SEMA6D: variants seen among roughly 807,000 people sequenced by gnomAD.
SEMA6D encodes the protein semaphorin-6D.
In SEMA6D, 35 loss-of-function variants were observed where a neutral mutation model predicts 106.6. That is an observed-to-expected ratio of 0.33 (90% confidence interval 0.25 to 0.44). SEMA6D has a LOEUF of 0.44. Among genes scored for constraint, SEMA6D ranks in the 20% least tolerant of loss-of-function variants. The pLI, the probability that SEMA6D is intolerant of heterozygous loss-of-function variation, is 1.00. For synonymous variants in SEMA6D, 499 were observed against 487.7 expected (o/e 1.02, Z -0.31); for missense variants, 1,185 against 1,345.9 (o/e 0.88, Z 1.87).
chr15:47,474,711 C>G (rs2042954552), intron 3 of SEMA6D, among the ~76,000 whole-genome samples: 1 of 152,146 alleles, frequency 6.6e-6, no homozygotes, highest in South Asian at 2.1e-4. Context: ...AATATTGAGG[C>G]AAAAACAGTG....
intron 4 of SEMA6D, among the ~76,000 whole-genome samples, chr15:47,667,669 G>A (rs750376469): frequency 6.6e-5 from 10 of 152,120 alleles, no homozygotes; most frequent in Admixed American, 2.0e-4. Context: ...GCTGATAGAC[G>A]ACCATCTTCT....
intron 1 of SEMA6D, among the ~76,000 whole-genome samples, chr15:47,195,552 A>T (rs747120899): frequency 1.3e-4 from 20 of 152,084 alleles, no homozygotes; most frequent in Non-Finnish European, 2.5e-4. Flanking sequence ...ATTTGTGGTT[A>T]TAATTGTGTA....
intron 1 of SEMA6D, among the ~76,000 whole-genome samples, chr15:47,401,766 A>G (rs2146000876): frequency 6.6e-6 from 1 of 152,252 alleles, no homozygotes; most frequent in East Asian, 1.9e-4. Flanking sequence ...GTCCTATAAA[A>G]ATTGCATCAA....
At position 47,692,013 on chromosome 15, in the gene SEMA6D, G is replaced by A. The variant is rs116449117; in HGVS notation, c.-54-67732G>A. On this transcript the variant is annotated intron_variant, in intron 4 of 19. Transcript: ENST00000558014. ...AAACTGCTCTATGCAAAGAGCAAGAGGAAAAGCATTTCTAGCAAGAATAGT... is the reference window on the plus strand; with the variant it reads ...AAACTGCTCTATGCAAAGAGCAAGAAGAAAAGCATTTCTAGCAAGAATAGT... Among the ~76,000 whole-genome samples, 609 of 152,280 alleles carry A rather than the reference G, an allele frequency of 4.0e-3. 1 individual carries two copies. Among genetic ancestry groups the A allele is most frequent in the African/African-American group, 0.014 (591 of 41,566 alleles).
intron 4 of SEMA6D, among the ~76,000 whole-genome samples, chr15:47,696,758 T>A (rs752345268): frequency 6.6e-6 from 1 of 152,202 alleles, no homozygotes; most frequent in African/African-American, 2.4e-5. Flanking sequence ...AGCTGAGCAT[T>A]TGGAATTCTG....
chr15:47,374,820 A>G (rs554515157), intron 1 of SEMA6D, among the ~76,000 whole-genome samples: 30 of 152,282 alleles, frequency 2.0e-4, no homozygotes, highest in East Asian at 1.9e-4. Context: ...AGAAACATCT[A>G]TTAGATCTGG....
chr15:47,595,535 T>TAA (rs1272152385), intron 3 of SEMA6D, among the ~76,000 whole-genome samples: 1 of 152,154 alleles, frequency 6.6e-6, no homozygotes, highest in African/African-American at 2.4e-5. Flanking sequence ...TATTGGTCTG[T>TAA]AATAATTTTC....
At chr15:47,364,143 C>T (rs901135768) in intron 1 of SEMA6D, among the ~76,000 whole-genome samples, 1 of 152,208 alleles carries the variant, frequency 6.6e-6, no homozygotes, top group African/African-American at 2.4e-5. Flanking sequence ...GAGTCAGGTT[C>T]AGCTGAGCCA....
chr15:47,513,959 C>G (rs1230113972), intron 3 of SEMA6D, among the ~76,000 whole-genome samples: 1 of 152,194 alleles, frequency 6.6e-6, no homozygotes, highest in East Asian at 1.9e-4. Flanking sequence ...TGACCATTCG[C>G]AGGATAATCC....
At chr15:47,760,709 C>T (rs191094581) in intron 3 of SEMA6D, among the ~76,000 whole-genome samples, 29 of 152,054 alleles carry the variant, frequency 1.9e-4, no homozygotes, top group African/African-American at 7.0e-4. Flanking sequence ...TAGAATTATT[C>T]AAGCAAATAT....
chr15:47,351,608 G>A (rs1227905057), intron 1 of SEMA6D, among the ~76,000 whole-genome samples: 1 of 152,136 alleles, frequency 6.6e-6, no homozygotes, highest in Non-Finnish European at 1.5e-5. Flanking sequence ...AAATAGGCTA[G>A]ACTGTCCCTC....
chr15:47,492,614 A>G lies in SEMA6D; in HGVS notation c.-87+22069A>G, dbSNP rs561389166. On this transcript the variant is annotated intron_variant, in intron 3 of 19. Coordinates refer to the SEMA6D transcript ENST00000558014. Reference sequence around the variant, plus strand: ...ATGGCTTTGTTTCTTTTAAGCATTTAGAACACTCTGGAAATACCTTAAGTG... The same window carrying G: ...ATGGCTTTGTTTCTTTTAAGCATTTGGAACACTCTGGAAATACCTTAAGTG... Among the ~76,000 whole-genome samples the G allele has an allele frequency of 3.9e-5, 6 of 152,314 alleles. No homozygotes were observed. In the East Asian group the frequency reaches 1.2e-3, roughly 29 times the overall value.
intron 3 of SEMA6D, among the ~76,000 whole-genome samples, chr15:47,507,348 C>T (rs558568464): frequency 2.3e-5 from 3 of 129,772 alleles, no homozygotes; most frequent in Non-Finnish European, 4.9e-5. Context: ...CACCCCCCCC[C>T]ACCCCCCCGG....
intron 1 of SEMA6D, among the ~76,000 whole-genome samples, chr15:47,260,254 G>A (rs1341788934): frequency 6.6e-6 from 1 of 151,846 alleles, no homozygotes; most frequent in Admixed American, 6.6e-5. Flanking sequence ...CTTGGTATGG[G>A]GTAATTTTCT....
At chr15:47,596,198 A>G (rs2076532763) in intron 3 of SEMA6D, among the ~76,000 whole-genome samples, 1 of 152,088 alleles carries the variant, frequency 6.6e-6, no homozygotes, top group Admixed American at 6.5e-5. Flanking sequence ...ATAGCTACAA[A>G]AACTAAAATA....
chr15:47,747,138 A>G (rs2081189278), intron 1 of SEMA6D, among the ~76,000 whole-genome samples: 3 of 152,084 alleles, frequency 2.0e-5, no homozygotes, highest in South Asian at 4.1e-4. Flanking sequence ...TCATATTCTC[A>G]TTAGTTTCTT....
intron 1 of SEMA6D, among the ~76,000 whole-genome samples, chr15:47,314,858 T>C (rs868237369): frequency 0.01 from 85 of 8,302 alleles, no homozygotes; most frequent in African/African-American, 0.014. Flanking sequence ...TCTTTTTTTT[T>C]TTTTTTTTTT....
At chr15:47,558,422 A>G (rs1042281230) in intron 3 of SEMA6D, among the ~76,000 whole-genome samples, 1 of 152,078 alleles carries the variant, frequency 6.6e-6, no homozygotes, top group Non-Finnish European at 1.5e-5. Flanking sequence ...AGAAAGTGCC[A>G]AATAACCACA....
intron 4 of SEMA6D, among the ~76,000 whole-genome samples, chr15:47,631,032 T>C (rs776483228): frequency 7.2e-5 from 11 of 151,958 alleles, no homozygotes; most frequent in East Asian, 5.8e-4. Flanking sequence ...TCAGAGTCCA[T>C]GAGAGATACT....
Sources: allele counts gnomAD v4.1 joint callset (sites outside exome capture counted in the v4.1 genomes callset), GRCh38; gene constraint gnomAD v4.1.1; transcripts MANE v1.5; gene names NCBI Gene and HGNC (gene_info 2026-07-23, HGNC 2026-07-21).